The following CA12 variants were observed in gnomAD, a reference collection of about 807,000 sequenced individuals.
CA12 encodes carbonate dehydratase XII.
In CA12, 36 loss-of-function variants were observed where a neutral mutation model predicts 46.8. That is an observed-to-expected ratio of 0.77 (90% CI 0.59 to 1.02). The LOEUF (loss-of-function observed/expected upper bound fraction) is 1.02, where lower values mean the gene tolerates loss of function less well. Ranked by LOEUF, CA12 falls within the 50% of genes least tolerant of loss-of-function variation. The pLI is 0.00. For synonymous variants in CA12, 202 were observed against 187.0 expected (o/e 1.08, Z -0.65); for missense variants, 436 against 451.4 (o/e 0.97, Z 0.31).
intron 2 of CA12, among the ~76,000 whole-genome samples, chr15:63,349,773 C>A (rs1374838317): frequency 6.6e-6 from 1 of 152,162 alleles, no homozygotes; most frequent in African/African-American, 2.4e-5. Context: ...CCCACGCTGT[C>A]CTTGAAGACA....
Position 63,338,939 on chromosome 15 carries a change from C to T in CA12, c.754G>A (p.Ala252Thr). 1.2e-6 allele frequency: 2 copies of T among 1,614,160 alleles called. No individual in the cohort carries two copies. Among genetic ancestry groups the T allele is most frequent in the Non-Finnish European group, 1.7e-6 (2 of 1,180,044 alleles). Residue 252 changes from alanine to threonine, a missense_variant, in exon 8 of 11, where the codon GCT (alanine) becomes ACT (threonine). Physicochemically the swap from Ala to Thr is moderately conservative, Grantham distance 58. Transcript: ENST00000178638. ...PVQISQEQLLALETALYCTHM... is the reference protein window; with the variant it reads ...PVQISQEQLLTLETALYCTHM... ...GTGCAGTACAGGGCTGTCTCCAAAG[C>T]CAGCAGCTGAGGGCAAGAGCAGAAA...
At position 63,322,997 on chromosome 15, in the gene CA12, C is replaced by T. The variant is rs1176354604; in HGVS notation, c.*3288G>A. On this transcript the variant is annotated 3_prime_UTR_variant, in exon 11 of 11. Coordinates refer to ENST00000178638, the MANE Select transcript of CA12 (RefSeq NM_001218.5). This position sits in a 1 kb window ranked among gnomAD's most constrained non-coding sequence, Gnocchi z 4.1. ...TATTTTATAACCTTTACTGGACTGC[C>T]TCTTTTTGCCCCAGTCAGAATGTGA... The T allele has an allele frequency of 1.3e-5, 2 of 152,192 alleles. No homozygotes were observed. The highest frequency in any genetic ancestry group is 1.9e-4 in the East Asian group (1 of 5,198). 9.4% of individuals were successfully genotyped at this position (152,192 alleles called of 1,614,324 possible). A position where few individuals can be genotyped will look rare whatever the true frequency, so the allele number is the denominator to read the frequency against.
chr15:63,325,349 T>C lies in CA12; in HGVS notation c.*936A>G, dbSNP rs566758885. 1 of 152,230 alleles carries C rather than the reference T, an allele frequency of 6.6e-6. No homozygotes were observed. The highest frequency in any genetic ancestry group is 6.5e-5 in the Admixed American group (1 of 15,292). 9.4% of individuals were successfully genotyped at this position (152,230 alleles called of 1,614,324 possible). ...AGATTGGGTCATCTCGGAACTCATGTCTCCTCCAGGACACAGCAACAACAC... is the reference window on the plus strand; with the variant it reads ...AGATTGGGTCATCTCGGAACTCATGCCTCCTCCAGGACACAGCAACAACAC... On this transcript the variant is annotated 3_prime_UTR_variant, in exon 11 of 11. Transcript: ENST00000178638. This position sits in a 1 kb window ranked among gnomAD's most constrained non-coding sequence, Gnocchi z 4.9.
At chr15:63,377,488 A>T (rs555318653) in intron 1 of CA12, among the ~76,000 whole-genome samples, 160 of 85,462 alleles carry the variant, frequency 1.9e-3, no homozygotes, top group African/African-American at 9.8e-3. Context: ...TTTTTTTTTA[A>T]AAAAAAGCCG....
chr15:63,353,061 A>C (rs1020695642), intron 2 of CA12, among the ~76,000 whole-genome samples: 1 of 152,134 alleles, frequency 6.6e-6, no homozygotes, highest in African/African-American at 2.4e-5. Context: ...TGAAGATGCA[A>C]TGGAGAACAA....
At chr15:63,332,697 T>G (rs1428915891) in intron 8 of CA12, among the ~76,000 whole-genome samples, 2 of 152,246 alleles carry the variant, frequency 1.3e-5, no homozygotes, top group Non-Finnish European at 2.9e-5. Context: ...GGTTGATTTT[T>G]AACATTGTTA....
chr15:63,365,696 C>T (rs2039427496), intron 2 of CA12, among the ~76,000 whole-genome samples: 1 of 152,240 alleles, frequency 6.6e-6, no homozygotes, highest in Non-Finnish European at 1.5e-5. Flanking sequence ...ACCCCCATTT[C>T]TCCTCCCTTG....
intron 1 of CA12, among the ~76,000 whole-genome samples, chr15:63,379,825 T>A (rs2039622189): frequency 6.6e-6 from 1 of 152,202 alleles, no homozygotes; most frequent in South Asian, 2.1e-4. Flanking sequence ...CAGGGCAAGC[T>A]CTGCAGAATT....
chr15:63,344,363 C>T (rs2039118618), intron 4 of CA12, among the ~76,000 whole-genome samples: 1 of 152,252 alleles, frequency 6.6e-6, no homozygotes, highest in Non-Finnish European at 1.5e-5. Context: ...GTCTCCCTGT[C>T]TCCCGGGCAT....
intron 8 of CA12, among the ~76,000 whole-genome samples, chr15:63,336,311 A>C (rs2039002805): frequency 6.6e-6 from 1 of 152,194 alleles, no homozygotes; most frequent in African/African-American, 2.4e-5. Context: ...CTTAGACACA[A>C]GCCGGTCTAA....
chr15:63,346,410 G>GGTTGATCCAACGAA, intron 3 of CA12, 120 bp downstream of exon 3: 1 of 403,624 alleles, frequency 2.5e-6, no homozygotes, highest in Non-Finnish European at 5.1e-6. Flanking sequence ...CCCCCGCCCC[G>GGTTGATCCAACGAA]CCCCACCCCT....
chr15:63,370,995 C>G (rs1190177593), intron 2 of CA12, among the ~76,000 whole-genome samples: 5 of 152,084 alleles, frequency 3.3e-5, no homozygotes, highest in Non-Finnish European at 7.4e-5. Flanking sequence ...CTCCCCTGAG[C>G]TCTCACTGCA....
chr15:63,347,859 A>T (rs2039173745), intron 2 of CA12, among the ~76,000 whole-genome samples: 1 of 152,128 alleles, frequency 6.6e-6, no homozygotes, highest in African/African-American at 2.4e-5. Flanking sequence ...CAGTATTTCA[A>T]CACAAGGAAG....
At chr15:63,375,627 C>A in intron 2 of CA12, 31 bp downstream of exon 2, 1 of 1,413,846 alleles carries the variant, frequency 7.1e-7, no homozygotes, top group Admixed American at 1.7e-5. Context: ...ATTTTCTTTT[C>A]AACAAAAAAG....
intron 10 of CA12, 151 bp downstream of exon 10, chr15:63,326,998 C>T: frequency 1.4e-6 from 1 of 690,324 alleles, no homozygotes; most frequent in Non-Finnish European, 2.6e-6. Context: ...CAAAGGAGGC[C>T]AGGGCACGGG....
In CA12 at chr15:63,334,422, A is replaced by AT. The variant is rs879745620; in HGVS notation, c.874+4396dup. On this transcript the variant is annotated intron_variant, in intron 8 of 10. Coordinates refer to ENST00000178638, the MANE Select transcript of CA12 (RefSeq NM_001218.5). Reference sequence around the variant, plus strand: ...TGGCATGCACCACCATGCCTGGCTGATTTTTTTTTTTTTAAGTAGAGAGGG... The same window carrying AT: ...TGGCATGCACCACCATGCCTGGCTGATTTTTTTTTTTTTTAAGTAGAGAGGG... 8.9e-3 allele frequency among the ~76,000 whole-genome samples: 1,258 copies of AT among 140,586 alleles called. 13 individuals carry two copies. The highest frequency in any genetic ancestry group is 0.026 in the African/African-American group (974 of 38,168). 92.2% of individuals were successfully genotyped at this position (140,586 alleles called of 152,430 possible).
chr15:63,379,931 CT>C (rs1479780460), intron 1 of CA12, among the ~76,000 whole-genome samples: 1 of 152,220 alleles, frequency 6.6e-6, no homozygotes, highest in East Asian at 1.9e-4. Context: ...TCCTGGGCCC[CT>C]GACATTGTTC....
intron 1 of CA12, among the ~76,000 whole-genome samples, chr15:63,377,509 A>T (rs886224776): frequency 6.6e-6 from 1 of 151,962 alleles, no homozygotes; most frequent in African/African-American, 2.4e-5. Flanking sequence ...GTTTAATCTC[A>T]TATTTTTTGT....
At chr15:63,344,232 G>A (rs1567045304) in intron 4 of CA12, among the ~76,000 whole-genome samples, 1 of 152,222 alleles carries the variant, frequency 6.6e-6, no homozygotes, top group East Asian at 1.9e-4. Flanking sequence ...AGAAGAATGC[G>A]ACCTCTTGCC....
Sources: gnomAD v4.1 joint callset for allele counts (sites outside exome capture counted in the v4.1 genomes callset) on GRCh38, gnomAD v4.1.1 for gene constraint, Gnocchi (gnomAD v3.1) non-coding constraint, MANE v1.5 for transcripts, NCBI Gene and HGNC (gene_info 2026-07-23, HGNC 2026-07-21) for gene names.